PLXDC1: variants seen among roughly 807,000 people sequenced by gnomAD.
PLXDC1 encodes the protein plexin domain-containing protein 1.
In PLXDC1, 39 loss-of-function variants were observed where a neutral mutation model predicts 61.3. The ratio of observed to expected loss-of-function variants is 0.64; its 90% CI spans 0.49 to 0.83. The LOEUF (loss-of-function observed/expected upper bound fraction) is 0.83. Among genes scored for constraint, PLXDC1 ranks in the 40% least tolerant of loss-of-function variants. PLXDC1 has a pLI of 0.00. For synonymous variants in PLXDC1, 212 were observed against 254.5 expected, an observed-to-expected ratio of 0.83 and a Z score of 1.59; for missense variants, 596 against 666.5, an observed-to-expected ratio of 0.89 and a Z score of 1.17.
intron 2 of PLXDC1, among the ~76,000 whole-genome samples, chr17:39,121,734 A>G (rs1911165239): frequency 6.6e-6 from 1 of 152,120 alleles, no homozygotes; most frequent in South Asian, 2.1e-4. Context: ...CAGTTAAACC[A>G]TATTTCCCAG....
chr17:39,079,342 C>T (rs1210462132), intron 9 of PLXDC1, 178 bp from the exon 10 acceptor site: 1 of 632,154 alleles, frequency 1.6e-6, no homozygotes, highest in African/African-American at 1.8e-5. Context: ...TTTGTGGCAT[C>T]CCTGCCTTCC....
chr17:39,089,505 A>ATGCTTGGG (rs1909869468), intron 7 of PLXDC1, among the ~76,000 whole-genome samples: 1 of 152,180 alleles, frequency 6.6e-6, no homozygotes, highest in African/African-American at 2.4e-5. Context: ...GACCTGCCCC[A>ATGCTTGGG]CTATTCAGCT....
At chr17:39,079,798 T>G (rs1479570904) in intron 9 of PLXDC1, 2 of 340,486 alleles carry the variant, frequency 5.9e-6, no homozygotes, top group African/African-American at 4.3e-5. Flanking sequence ...TACTCTTTGG[T>G]GCTAGGGGAA....
At chr17:39,140,140 C>T (rs1911888728) in intron 1 of PLXDC1, among the ~76,000 whole-genome samples, 1 of 152,174 alleles carries the variant, frequency 6.6e-6, no homozygotes, top group Admixed American at 6.5e-5. Flanking sequence ...GTTAGGCATG[C>T]AGGTAAGTTT....
At chr17:39,103,845 C>A (rs76394526) in intron 7 of PLXDC1, among the ~76,000 whole-genome samples, 597 of 116,184 alleles carry the variant, frequency 5.1e-3, no homozygotes, top group Middle Eastern at 0.01. Flanking sequence ...GACTCTGTCT[C>A]AAAAAAAAAA....
intron 7 of PLXDC1, among the ~76,000 whole-genome samples, chr17:39,096,285 G>A (rs1910198351): frequency 6.6e-6 from 1 of 152,242 alleles, no homozygotes; most frequent in African/African-American, 2.4e-5. Context: ...AGCAGAAAAA[G>A]GCAGAGAAAG....
chr17:39,088,803 G>C (rs1909835228), intron 7 of PLXDC1, among the ~76,000 whole-genome samples: 1 of 151,852 alleles, frequency 6.6e-6, no homozygotes, highest in African/African-American at 2.4e-5. Flanking sequence ...ACAAAAATTA[G>C]CTGGGTGTGG....
intron 9 of PLXDC1, chr17:39,080,826 C>T (rs185514162): frequency 7.2e-5 from 11 of 152,484 alleles, no homozygotes; most frequent in Admixed American, 5.9e-4. Flanking sequence ...CCTTGCCCTT[C>T]CCCCAGCCTG....
chr17:39,134,247 C>T (rs1340708611), intron 2 of PLXDC1, among the ~76,000 whole-genome samples: 4 of 150,278 alleles, frequency 2.7e-5, no homozygotes, highest in Non-Finnish European at 4.4e-5. Context: ...GAGCAAGACT[C>T]CGTCTCAAAA....
chr17:39,112,749 T>G (rs1179413096), intron 2 of PLXDC1, among the ~76,000 whole-genome samples: 1 of 152,104 alleles, frequency 6.6e-6, no homozygotes, highest in Non-Finnish European at 1.5e-5. Flanking sequence ...AAGTGTTTGC[T>G]GGAGGTGGGG....
chr17:39,086,733 G>A (rs4074597), intron 8 of PLXDC1, among the ~76,000 whole-genome samples: 40,439 of 151,506 alleles, frequency 0.27, 6,115 homozygotes, highest in Admixed American at 0.43. Flanking sequence ...ATGGTGGCGG[G>A]TGCCTGTAAT....
At chr17:39,147,237 C>T (rs1004242008) in intron 1 of PLXDC1, among the ~76,000 whole-genome samples, 4 of 152,024 alleles carry the variant, frequency 2.6e-5, no homozygotes, top group African/African-American at 7.2e-5. Flanking sequence ...ATTACAGGCG[C>T]GGGCCACCGC....
chr17:39,141,092 C>T (rs536226565), intron 1 of PLXDC1, among the ~76,000 whole-genome samples: 8 of 152,302 alleles, frequency 5.3e-5, no homozygotes, highest in South Asian at 4.1e-4. Flanking sequence ...AGTAGTGGTG[C>T]GATCATAGCT....
chr17:39,128,183 A>ATGTGTGTATATATATGTATATATATG (rs1911411575), intron 2 of PLXDC1, among the ~76,000 whole-genome samples: 2 of 132,288 alleles, frequency 1.5e-5, no homozygotes, highest in Non-Finnish European at 3.2e-5. Flanking sequence ...GTATATATAT[A>ATGTGTGTATATATATGTATATATATG]TGTGTGTATA....
At chr17:39,097,813 G>T (rs7218197) in intron 7 of PLXDC1, among the ~76,000 whole-genome samples, 2 of 150,518 alleles carry the variant, frequency 1.3e-5, no homozygotes, top group African/African-American at 2.4e-5. Context: ...GAGGCAGGAG[G>T]ATCGCTTAAG....
intron 7 of PLXDC1, among the ~76,000 whole-genome samples, chr17:39,101,154 T>C (rs1910405879): frequency 6.6e-6 from 1 of 152,232 alleles, no homozygotes; most frequent in Non-Finnish European, 1.5e-5. Context: ...CATACACATA[T>C]GGCAAAGACA....
chr17:39,063,452 T>C lies in PLXDC1; in HGVS notation c.*4388A>G, dbSNP rs1357495423. The C allele has an allele frequency of 1.4e-6, 1 of 702,958 alleles. No individual in the cohort carries two copies. Among genetic ancestry groups the C allele is most frequent in the Non-Finnish European group, 2.6e-6 (1 of 384,998 alleles). The allele number at this position is 702,958 out of a possible 1,614,324, so 43.5% of individuals were successfully genotyped here. On this transcript the variant is annotated 3_prime_UTR_variant, in exon 14 of 14. Transcript: ENST00000315392. ...TTCTCTTGGAGGTGGTGCAGGAGGTTGAGGAAAGCACCTCTGATGAGCAGA... is the reference window on the plus strand; with the variant it reads ...TTCTCTTGGAGGTGGTGCAGGAGGTCGAGGAAAGCACCTCTGATGAGCAGA...
intron 7 of PLXDC1, among the ~76,000 whole-genome samples, chr17:39,092,840 G>T (rs1231005031): frequency 6.6e-6 from 1 of 152,170 alleles, no homozygotes; most frequent in Non-Finnish European, 1.5e-5. Context: ...AGGGGCAGAG[G>T]AGTCCTGAAT....
rs1419979117 is a variant in PLXDC1 at position 39,128,117 on chromosome 17, A to ATATATATATATATATATATG, written c.255+11536_255+11537insCATATATATATATATATATA. ...TATGTGTATATATATATATATATGTATATATATATGTGTATATATATGTAT... is the reference window on the plus strand; with the variant it reads ...TATGTGTATATATATATATATATGTATATATATATATATATATATGTATATATATGTGTATATATATGTAT... On this transcript the variant is annotated intron_variant, in intron 2 of 13. Coordinates refer to ENST00000315392, the MANE Select transcript of PLXDC1 (RefSeq NM_020405.5). Among the ~76,000 whole-genome samples the ATATATATATATATATATATG allele has an allele frequency of 1.6e-3, 159 of 96,370 alleles. 6 individuals are homozygous for ATATATATATATATATATATG. Among genetic ancestry groups the ATATATATATATATATATATG allele is most frequent in the African/African-American group, 7.3e-3 (143 of 19,622 alleles). 63.2% of individuals were successfully genotyped at this position (96,370 alleles called of 152,430 possible). A position where few individuals can be genotyped will look rare whatever the true frequency, so the allele number is the denominator to read the frequency against.
Sources: allele counts gnomAD v4.1 joint callset (sites outside exome capture counted in the v4.1 genomes callset), GRCh38; gene constraint gnomAD v4.1.1; transcripts MANE v1.5; gene names NCBI Gene and HGNC (gene_info 2026-07-23, HGNC 2026-07-21).